DACH1: variants seen among roughly 807,000 people sequenced by gnomAD.
DACH1 encodes the protein dachshund homolog 1.
A neutral mutation model predicts 54.2 loss-of-function variants in DACH1; 12 were observed. That is an observed-to-expected ratio of 0.22 (90% CI 0.14 to 0.36). The LOEUF is 0.36. Ranked by LOEUF, DACH1 falls within the 10% of genes least tolerant of loss-of-function variation. DACH1 has a pLI of 1.00. For missense variants in DACH1, 805 were observed against 929.8 expected (o/e 0.87, Z 1.75); for synonymous variants, 386 against 366.2 (o/e 1.05, Z -0.62).
intron 2 of DACH1, among the ~76,000 whole-genome samples, chr13:71,668,593 C>T (rs1230029511): frequency 6.6e-6 from 1 of 151,756 alleles, no homozygotes; most frequent in Non-Finnish European, 1.5e-5. Context: ...TTTATTTGAT[C>T]TAATTGAAAA....
intron 6 of DACH1, among the ~76,000 whole-genome samples, chr13:71,524,693 G>A (rs942407565): frequency 6.6e-6 from 1 of 152,084 alleles, no homozygotes; most frequent in Non-Finnish European, 1.5e-5. Flanking sequence ...CCGCCAGTTT[G>A]AGAGCTTATT....
chr13:71,658,755 G>C (rs1281702293), intron 2 of DACH1, among the ~76,000 whole-genome samples: 1 of 152,132 alleles, frequency 6.6e-6, no homozygotes, highest in Non-Finnish European at 1.5e-5. Context: ...AAGAGATCTT[G>C]CTGGAATATT....
chr13:71,654,458 G>A (rs9599869), intron 2 of DACH1, among the ~76,000 whole-genome samples: 2,984 of 64,586 alleles, frequency 0.046, 80 homozygotes, highest in South Asian at 0.083. Flanking sequence ...ATAAAATAAA[G>A]TAAAATAAAA....
chr13:71,692,332 T>C (rs147656100), intron 1 of DACH1, among the ~76,000 whole-genome samples: 2 of 152,102 alleles, frequency 1.3e-5, no homozygotes, highest in East Asian at 1.9e-4. Flanking sequence ...TCTCTAATAG[T>C]TTTATACGTC....
chr13:71,588,458 C>A (rs1873438702), intron 3 of DACH1, among the ~76,000 whole-genome samples: 1 of 152,092 alleles, frequency 6.6e-6, no homozygotes, highest in South Asian at 2.1e-4. Context: ...CTGTTATTAT[C>A]TTGAATACAA....
At position 71,559,825 on chromosome 13, in the gene DACH1, C is replaced by A; in HGVS notation, c.1430G>T (p.Arg477Ile). 1.2e-6 allele frequency: 2 copies of A among 1,613,758 alleles called. No homozygotes were observed. The highest frequency in any genetic ancestry group is 1.7e-5 in the Admixed American group (1 of 59,978). The part of the protein sequence containing the change: ...SPARTESSSD[R>I]IPVHQNGLSM... ...AGTAGAAGTATGAGACCTACGGATT[C>A]TGTCAGAAGAGCTCTCAGTCCGAGC... Residue 477 changes from arginine to isoleucine, a missense_variant, in exon 5 of 11, where the codon AGA (arginine) becomes ATA (isoleucine). Arg to Ile is a moderately conservative substitution (Grantham distance 97, BLOSUM62 -3). Coordinates refer to ENST00000613252, the MANE Select transcript of DACH1 (RefSeq NM_080759.6).
At chr13:71,821,212 C>T (rs779828384) in intron 1 of DACH1, among the ~76,000 whole-genome samples, 1 of 152,138 alleles carries the variant, frequency 6.6e-6, no homozygotes, top group East Asian at 1.9e-4. Context: ...TGCTTAGTTC[C>T]TTTTAACTGA....
At chr13:71,768,522 A>C (rs1885728597) in intron 1 of DACH1, among the ~76,000 whole-genome samples, 1 of 151,988 alleles carries the variant, frequency 6.6e-6, no homozygotes, top group Admixed American at 6.6e-5. Flanking sequence ...GAAATGTATT[A>C]ATATTTGCTC....
At chr13:71,716,544 C>G (rs1882975133) in intron 1 of DACH1, among the ~76,000 whole-genome samples, 1 of 152,044 alleles carries the variant, frequency 6.6e-6, no homozygotes, top group South Asian at 2.1e-4. Context: ...GTGAGAAGCC[C>G]TACACCAATT....
intron 1 of DACH1, among the ~76,000 whole-genome samples, chr13:71,706,770 A>G (rs1882470547): frequency 6.6e-6 from 1 of 152,168 alleles, no homozygotes; most frequent in African/African-American, 2.4e-5. Context: ...GTTAAAATGC[A>G]TTAATTCTCA....
At chr13:71,707,376 C>A (rs1418127315) in intron 1 of DACH1, among the ~76,000 whole-genome samples, 1 of 152,176 alleles carries the variant, frequency 6.6e-6, no homozygotes, top group Non-Finnish European at 1.5e-5. Flanking sequence ...AGGGACCCTA[C>A]ATTTGTATTT....
chr13:71,442,226 A>C (rs1874069262), intron 10 of DACH1, among the ~76,000 whole-genome samples: 1 of 151,740 alleles, frequency 6.6e-6, no homozygotes, highest in Admixed American at 6.6e-5. Context: ...ATCATTCTAC[A>C]CTCTATCTCC....
At chr13:71,563,283 T>C (rs1327217380) in intron 4 of DACH1, among the ~76,000 whole-genome samples, 1 of 152,028 alleles carries the variant, frequency 6.6e-6, no homozygotes, top group African/African-American at 2.4e-5. Context: ...ATCATTATGT[T>C]AATGCATGTT....
At chr13:71,573,359 A>C in intron 3 of DACH1, 2 of 702,548 alleles carry the variant, frequency 2.8e-6, no homozygotes, top group South Asian at 3.1e-5. Context: ...TATTTTGCCA[A>C]CTGATAAATA....
chr13:71,694,255 A>C (rs1436103428), intron 1 of DACH1, among the ~76,000 whole-genome samples: 1 of 152,134 alleles, frequency 6.6e-6, no homozygotes, highest in Admixed American at 6.5e-5. Flanking sequence ...TGTGTAATGC[A>C]TGAGGAGCTG....
intron 3 of DACH1, among the ~76,000 whole-genome samples, chr13:71,607,703 A>C (rs1008591125): frequency 5.9e-5 from 9 of 152,024 alleles, no homozygotes; most frequent in African/African-American, 2.2e-4. Flanking sequence ...AACTTATTTC[A>C]CTGAGCATAT....
chr13:71,631,656 A>C (rs1877109918), intron 2 of DACH1, among the ~76,000 whole-genome samples: 1 of 152,202 alleles, frequency 6.6e-6, no homozygotes, highest in African/African-American at 2.4e-5. Flanking sequence ...TCCTTACTTT[A>C]CAGATTAGAA....
At chr13:71,526,761 G>T (rs1444441655) in intron 6 of DACH1, among the ~76,000 whole-genome samples, 2 of 150,560 alleles carry the variant, frequency 1.3e-5, no homozygotes, top group African/African-American at 4.9e-5. Flanking sequence ...CTAATACAAA[G>T]AATGCTTACA....
At chr13:71,737,738 C>T (rs1368517614) in intron 1 of DACH1, among the ~76,000 whole-genome samples, 1 of 152,030 alleles carries the variant, frequency 6.6e-6, no homozygotes, top group Non-Finnish European at 1.5e-5. Flanking sequence ...TCTATCATGT[C>T]CCAAACTACA....
Sources: allele counts gnomAD v4.1 joint callset (sites outside exome capture counted in the v4.1 genomes callset), GRCh38; gene constraint gnomAD v4.1.1; transcripts MANE v1.5; gene names NCBI Gene and HGNC (gene_info 2026-07-23, HGNC 2026-07-21).